ATP9B: variants seen among roughly 807,000 people sequenced by gnomAD.
ATP9B encodes probable phospholipid-transporting ATPase IIB.
A neutral mutation model predicts 146.1 loss-of-function variants in ATP9B; 110 were observed. The ratio of observed to expected loss-of-function variants is 0.75; its 90% CI spans 0.65 to 0.88. The LOEUF (loss-of-function observed/expected upper bound fraction) is 0.88. ATP9B is among the 40% of genes least tolerant of loss of function. The pLI is 0.00. For missense variants in ATP9B, 1,499 were observed against 1,496.4 expected (o/e 1.00, Z -0.03); for synonymous variants, 604 against 569.7 (o/e 1.06, Z -0.86).
chr18:79,126,183 G>A (rs2094283228), intron 4 of ATP9B, 84 bp from the exon 5 acceptor site: 1 of 1,165,204 alleles, frequency 8.6e-7, no homozygotes, highest in Non-Finnish European at 1.2e-6. Context: ...TAAATTGAAG[G>A]AAAAAAGTTA....
At chr18:79,232,106 AG>A (rs1352951656) in intron 11 of ATP9B, among the ~76,000 whole-genome samples, 1 of 152,082 alleles carries the variant, frequency 6.6e-6, no homozygotes, top group African/African-American at 2.4e-5. Context: ...GTCATTGCTC[AG>A]GGGAAAAGAC....
chr18:79,303,416 A>G lies in ATP9B; in HGVS notation c.1412-188A>G, dbSNP rs184573784. On this transcript the variant is annotated intron_variant, in intron 13 of 29. Transcript: ENST00000426216. The stretch of plus-strand genomic sequence containing the variant: ...GGTACCTTGACATGCTAGGGAGAAA[A>G]TATCTTGTTCTTCCTATTAAAATGA... Among the ~76,000 whole-genome samples the G allele has an allele frequency of 2.6e-5, 4 of 151,876 alleles. No individual in the cohort carries two copies. The East Asian group carries it at 7.7e-4, about 29-fold the overall frequency.
chr18:79,255,031 T>C (rs997692675), intron 12 of ATP9B: 1 of 152,176 alleles, frequency 6.6e-6, no homozygotes, highest in Non-Finnish European at 1.5e-5. Flanking sequence ...CGTTTGTTGT[T>C]GTGTCCTAGT....
intron 1 of ATP9B, among the ~76,000 whole-genome samples, chr18:79,083,131 C>G (rs751979479): frequency 9.8e-4 from 149 of 152,344 alleles, no homozygotes; most frequent in Non-Finnish European, 1.7e-3. Context: ...GAGAGGCAGT[C>G]TGGCTACAGT....
At chr18:79,200,062 TTTAATA>T (rs1226647676) in intron 9 of ATP9B, among the ~76,000 whole-genome samples, 4 of 152,240 alleles carry the variant, frequency 2.6e-5, no homozygotes, top group Non-Finnish European at 5.9e-5. Context: ...TTGTTTGTTA[TTTAATA>T]TTATGTACTG....
At chr18:79,251,553 AATTT>A (rs55897471) in intron 11 of ATP9B, among the ~76,000 whole-genome samples, 2,179 of 152,292 alleles carry the variant, frequency 0.014, 22 homozygotes, top group Middle Eastern at 0.034. Flanking sequence ...TAGACATTTC[AATTT>A]ATTTGTTTAA....
At position 79,264,869 on chromosome 18, in the gene ATP9B, C is replaced by T. The variant is rs138327212; in HGVS notation, c.1268+11328C>T. Among the ~76,000 whole-genome samples, 361 of 152,228 alleles carry T rather than the reference C, an allele frequency of 2.4e-3. 4 individuals carry two copies. Among genetic ancestry groups the T allele is most frequent in the African/African-American group, 8.2e-3 (342 of 41,542 alleles). On this transcript the variant is annotated intron_variant, in intron 12 of 29. Coordinates refer to ENST00000426216, the MANE Select transcript of ATP9B (RefSeq NM_198531.5). ...TTCCCTTGGACTGTTTTTGTATTCT[C>T]GCCAAATAACAAACTGTGTTTGTTA...
At chr18:79,375,718 A>G (rs745461593) in intron 29 of ATP9B, 7 of 985,256 alleles carry the variant, frequency 7.1e-6, no homozygotes, top group Non-Finnish European at 8.4e-6. Context: ...TTTCAGTTGT[A>G]GGGGCTGAGC....
At chr18:79,204,972 A>G (rs763835298) in intron 9 of ATP9B, among the ~76,000 whole-genome samples, 2 of 152,164 alleles carry the variant, frequency 1.3e-5, no homozygotes, top group Non-Finnish European at 2.9e-5. Flanking sequence ...CCAGCATCAT[A>G]GCCTTCATTC....
intron 1 of ATP9B, among the ~76,000 whole-genome samples, chr18:79,089,272 A>G (rs1407523591): frequency 5.3e-5 from 8 of 152,232 alleles, no homozygotes; most frequent in Admixed American, 3.9e-4. Context: ...AATTATTAAA[A>G]AAAAGTCCTT....
chr18:79,267,963 A>T (rs1265959551), intron 12 of ATP9B, among the ~76,000 whole-genome samples: 1 of 151,786 alleles, frequency 6.6e-6, no homozygotes, highest in African/African-American at 2.4e-5. Context: ...CATTATTGTG[A>T]CTTTGTCTAT....
At chr18:79,348,541 C>T (rs1386291894) in intron 25 of ATP9B, among the ~76,000 whole-genome samples, 1 of 152,250 alleles carries the variant, frequency 6.6e-6, no homozygotes, top group Non-Finnish European at 1.5e-5. Context: ...AGGCTGCCCT[C>T]CCCTGGCTGG....
At chr18:79,242,032 C>T (rs1010850177) in intron 11 of ATP9B, among the ~76,000 whole-genome samples, 2 of 152,184 alleles carry the variant, frequency 1.3e-5, no homozygotes, top group Admixed American at 6.5e-5. Context: ...GGAGCACCGC[C>T]GTGGGCCTGT....
intron 17 of ATP9B, 73 bp from the exon 18 acceptor site, chr18:79,336,555 C>A: frequency 7.2e-7 from 1 of 1,386,780 alleles, no homozygotes; most frequent in Non-Finnish European, 1.0e-6. Flanking sequence ...CAGAGTGTGG[C>A]ACTGCCCTGG....
intron 13 of ATP9B, among the ~76,000 whole-genome samples, chr18:79,279,959 C>T (rs558304045): frequency 1.4e-4 from 21 of 152,168 alleles, no homozygotes; most frequent in Non-Finnish European, 2.4e-4. Context: ...TACTCTCCAG[C>T]CGTTTTGCTC....
intron 12 of ATP9B, among the ~76,000 whole-genome samples, chr18:79,270,253 C>T (rs542909939): frequency 4.6e-5 from 7 of 152,146 alleles, no homozygotes; most frequent in South Asian, 2.1e-4. Context: ...CATTCTTGCG[C>T]GTTCATTTAT....
chr18:79,165,705 C>A (rs1030933077), intron 7 of ATP9B, among the ~76,000 whole-genome samples: 3 of 152,120 alleles, frequency 2.0e-5, no homozygotes, highest in African/African-American at 7.2e-5. Flanking sequence ...AAGCTCTACT[C>A]TAAGCCCATG....
chr18:79,337,513 G>A lies in ATP9B; in HGVS notation c.2283+64G>A. ...GCTGAAGCAAACAGTGCTTTTCCTT[G>A]GGCATGGTGATTTGTGAAACTCCTG... On this transcript the variant is annotated intron_variant, in intron 19 of 29. Transcript: ENST00000426216. The A allele has an allele frequency of 2.6e-6, 4 of 1,556,562 alleles. No individual in the cohort carries two copies. The South Asian group carries it at 4.7e-5, about 18-fold the overall frequency.
intron 13 of ATP9B, among the ~76,000 whole-genome samples, chr18:79,282,614 A>G (rs1322623039): frequency 9.2e-5 from 14 of 152,244 alleles, no homozygotes; most frequent in Admixed American, 2.0e-4. Flanking sequence ...TGCACATGTA[A>G]TAGACTTACT....
Sources: allele counts gnomAD v4.1 joint callset (sites outside exome capture counted in the v4.1 genomes callset), GRCh38; gene constraint gnomAD v4.1.1; transcripts MANE v1.5; gene names NCBI Gene and HGNC (gene_info 2026-07-23, HGNC 2026-07-21).